Variants in IL1RAPL1 observed in about 807,000 individuals in gnomAD.
IL1RAPL1 encodes the protein interleukin 1 receptor accessory protein like 1, also known as interleukin-1 receptor accessory protein-like 1.
A neutral mutation model predicts 48.4 loss-of-function variants in IL1RAPL1; 3 were observed. The ratio of observed to expected loss-of-function variants is 0.06; its 90% CI spans 0.03 to 0.16. The LOEUF is 0.16. IL1RAPL1 is among the 10% of genes least tolerant of loss of function. IL1RAPL1 has a pLI of 1.00. For synonymous variants in IL1RAPL1, 185 were observed against 187.7 expected (o/e 0.99, Z 0.12); for missense variants, 349 against 530.6 (o/e 0.66, Z 3.36).
intron 5 of IL1RAPL1, among the ~76,000 whole-genome samples, chrX:29,468,763 C>G (rs139283568): frequency 0.012 from 1,304 of 111,928 alleles, 17 homozygotes; most frequent in African/African-American, 0.041. Flanking sequence ...TGTGGTTCCC[C>G]TCATGGCTAG....
rs769713574 is a variant in IL1RAPL1, at chrX:29,243,364, G to A, written c.83-39574G>A. ...TGCTTGGTTTGCTTTCAAATTGCCC[G>A]GTGAAATTCACTGGCACCAATCACA... On this transcript the variant is annotated intron_variant, in intron 2 of 10. Coordinates refer to ENST00000378993, the MANE Select transcript of IL1RAPL1 (RefSeq NM_014271.4). 6.3e-5 allele frequency among the ~76,000 whole-genome samples: 7 copies of A among 111,641 alleles called. No homozygotes were observed. The East Asian group carries it at 1.4e-3, about 23-fold the overall frequency.
chrX:29,745,720 T>A (rs1217888220), intron 6 of IL1RAPL1, among the ~76,000 whole-genome samples: 1 of 110,677 alleles, frequency 9.0e-6, no homozygotes, highest in African/African-American at 3.3e-5. Flanking sequence ...GTACTAGGAT[T>A]ACGGGCATGA....
chrX:29,899,200 G>C (rs1192484672), intron 6 of IL1RAPL1, among the ~76,000 whole-genome samples: 3 of 110,695 alleles, frequency 2.7e-5, no homozygotes, highest in African/African-American at 9.9e-5. Flanking sequence ...ATGAGGGAGG[G>C]TAAAGGCATG....
chrX:29,229,402 T>A (rs773945824), intron 2 of IL1RAPL1, among the ~76,000 whole-genome samples: 227 of 110,797 alleles, frequency 2.0e-3, no homozygotes, highest in Non-Finnish European at 2.4e-3. Flanking sequence ...ATGATAATTT[T>A]TAAAAAAAAA....
intron 2 of IL1RAPL1, among the ~76,000 whole-genome samples, chrX:28,832,051 C>T (rs768611280): frequency 5.4e-5 from 6 of 110,782 alleles, no homozygotes; most frequent in South Asian, 7.6e-4. Flanking sequence ...GTGTAATGAT[C>T]GTCAGCGTAA....
At chrX:28,683,673 T>A (rs1479875592) in intron 1 of IL1RAPL1, among the ~76,000 whole-genome samples, 2 of 112,387 alleles carry the variant, frequency 1.8e-5, no homozygotes, top group Non-Finnish European at 3.8e-5. Flanking sequence ...AAGTGAGAAG[T>A]CTGACATAGG....
chrX:29,475,829 A>G (rs1934967046), intron 5 of IL1RAPL1, among the ~76,000 whole-genome samples: 2 of 108,834 alleles, frequency 1.8e-5, no homozygotes, highest in South Asian at 7.7e-4. Flanking sequence ...ATCACACGTT[A>G]TGAAGTTTTT....
intron 2 of IL1RAPL1, among the ~76,000 whole-genome samples, chrX:29,035,604 G>C (rs1926715304): frequency 9.1e-6 from 1 of 110,378 alleles, no homozygotes; most frequent in African/African-American, 3.3e-5. Context: ...TCGCACCACT[G>C]CACTCCAGCT....
chrX:29,211,000 C>T (rs911463756), intron 2 of IL1RAPL1, among the ~76,000 whole-genome samples: 1 of 111,095 alleles, frequency 9.0e-6, no homozygotes, highest in Non-Finnish European at 1.9e-5. Context: ...AGAATAAAAA[C>T]GGAGAGTGAC....
At chrX:29,861,236 C>T (rs1351042952) in intron 6 of IL1RAPL1, among the ~76,000 whole-genome samples, 1 of 111,748 alleles carries the variant, frequency 8.9e-6, no homozygotes. Flanking sequence ...TTTGTTGCCT[C>T]TTTTCTTCTT....
intron 3 of IL1RAPL1, among the ~76,000 whole-genome samples, chrX:29,353,101 A>G (rs1933255237): frequency 8.9e-6 from 1 of 112,239 alleles, no homozygotes; most frequent in Admixed American, 9.5e-5. Flanking sequence ...TTTACAAAAA[A>G]TAATCTTTAA....
intron 5 of IL1RAPL1, among the ~76,000 whole-genome samples, chrX:29,613,667 G>A (rs1483435828): frequency 4.6e-5 from 5 of 107,882 alleles, no homozygotes; most frequent in East Asian, 5.8e-4. Flanking sequence ...TTGGGTCAGC[G>A]AAACTTGGGT....
At chrX:28,888,355 A>C (rs933876465) in intron 2 of IL1RAPL1, among the ~76,000 whole-genome samples, 3 of 112,048 alleles carry the variant, frequency 2.7e-5, no homozygotes, top group Non-Finnish European at 5.6e-5. Context: ...CACAGAAAAA[A>C]TTTCTGGCCA....
intron 1 of IL1RAPL1, among the ~76,000 whole-genome samples, chrX:28,754,592 G>T (rs975018580): frequency 8.9e-6 from 1 of 111,898 alleles, no homozygotes; most frequent in Non-Finnish European, 1.9e-5. Context: ...TAATTCTGGG[G>T]ACCATTCCCA....
chrX:28,890,302 C>T (rs1410498691), intron 2 of IL1RAPL1, among the ~76,000 whole-genome samples: 2 of 111,250 alleles, frequency 1.8e-5, no homozygotes, highest in Admixed American at 1.9e-4. Flanking sequence ...TGTGAATTAC[C>T]CCTAGTTCCC....
chrX:29,883,793 A>G (rs1932077720), intron 6 of IL1RAPL1, among the ~76,000 whole-genome samples: 1 of 112,428 alleles, frequency 8.9e-6, no homozygotes, highest in African/African-American at 3.2e-5. Context: ...TTCATGTTTT[A>G]TGATTGAGTT....
At chrX:29,812,570 C>T (rs1020595476) in intron 6 of IL1RAPL1, among the ~76,000 whole-genome samples, 2 of 110,852 alleles carry the variant, frequency 1.8e-5, no homozygotes. Context: ...CTGCTGGTCC[C>T]TAGCCTGTCT....
intron 1 of IL1RAPL1, among the ~76,000 whole-genome samples, chrX:28,615,340 G>A (rs1283229577): frequency 9.5e-6 from 1 of 104,929 alleles, no homozygotes; most frequent in East Asian, 3.0e-4. Flanking sequence ...TAGTTAATAA[G>A]AGTTAGGTAT....
chrX:28,790,887 G>C (rs1345349847), intron 2 of IL1RAPL1, among the ~76,000 whole-genome samples: 1 of 111,397 alleles, frequency 9.0e-6, no homozygotes, highest in Admixed American at 9.5e-5. Context: ...AGTGATGAAA[G>C]CTGATAATTT....
Sources: allele counts gnomAD v4.1 joint callset (sites outside exome capture counted in the v4.1 genomes callset), GRCh38; gene constraint gnomAD v4.1.1; transcripts MANE v1.5; gene names NCBI Gene and HGNC (gene_info 2026-07-23, HGNC 2026-07-21).